PLEKHH2: variants seen among roughly 807,000 people sequenced by gnomAD.
PLEKHH2 encodes the protein pleckstrin homology domain-containing family H member 2.
In PLEKHH2, 129 loss-of-function variants were observed where a neutral mutation model predicts 187.9. The ratio of observed to expected loss-of-function variants is 0.69; its 90% CI spans 0.59 to 0.79. PLEKHH2 has a LOEUF of 0.79. Among genes scored for constraint, PLEKHH2 ranks in the 30% least tolerant of loss-of-function variants. PLEKHH2 has a pLI of 0.00. For missense variants in PLEKHH2, 2,076 were observed against 1,751.2 expected (o/e 1.19, Z -3.31); for synonymous variants, 686 against 605.6 (o/e 1.13, Z -1.95).
Position 43,726,402 on chromosome 2 carries a change from C to G in PLEKHH2, c.2672C>G (p.Pro891Arg). 6.2e-7 allele frequency: 1 copy of G among 1,611,918 alleles called. No homozygotes were observed. Among genetic ancestry groups the G allele is most frequent in the Non-Finnish European group, 8.5e-7 (1 of 1,178,110 alleles). Residue 891 changes from proline (P) to arginine (R), a missense_variant, in exon 17 of 30, where the codon CCC becomes CGC. Physicochemically the swap from Pro to Arg is moderately radical, Grantham distance 103. Transcript: ENST00000282406. Reference sequence around the variant, plus strand: ...ACACATTATACTATCGTTATCCATCCCAAAGACCAAGGTCCAACTTACCTC... The same window carrying G: ...ACACATTATACTATCGTTATCCATCGCAAAGACCAAGGTCCAACTTACCTC... ...LSTHYTIVIHPKDQGPTYLLI... is the reference protein window; with the variant it reads ...LSTHYTIVIHRKDQGPTYLLI...
chr2:43,702,391 G>A (rs1265280290), intron 8 of PLEKHH2, among the ~76,000 whole-genome samples: 1 of 152,134 alleles, frequency 6.6e-6, no homozygotes, highest in Non-Finnish European at 1.5e-5. Context: ...TTAATGGCAT[G>A]TGAATCTCTG....
chr2:43,691,378 C>T (rs868197428), intron 3 of PLEKHH2, among the ~76,000 whole-genome samples: 11 of 152,084 alleles, frequency 7.2e-5, no homozygotes, highest in African/African-American at 1.2e-4. Flanking sequence ...ATAGGGAGTG[C>T]GTGCTGATTG....
chr2:43,649,887 A>G (rs1033749676), intron 2 of PLEKHH2, among the ~76,000 whole-genome samples: 4 of 152,182 alleles, frequency 2.6e-5, no homozygotes, highest in Non-Finnish European at 4.4e-5. Context: ...TAACCAATCC[A>G]TTAAACAAAT....
chr2:43,725,948 A>G (rs1228259672), intron 16 of PLEKHH2, among the ~76,000 whole-genome samples: 2 of 146,176 alleles, frequency 1.4e-5, no homozygotes, highest in Non-Finnish European at 3.0e-5. Flanking sequence ...CTATCTCCAA[A>G]AAAAAATCAT....
chr2:43,676,143 T>C (rs776025814), intron 2 of PLEKHH2: 15 of 1,614,014 alleles, frequency 9.3e-6, no homozygotes, highest in Middle Eastern at 1.7e-4. Context: ...GCTCCAAGAG[T>C]ATCACTTTTG....
Position 43,706,360 on chromosome 2 carries a change from T to C in PLEKHH2, c.1765T>C (p.Tyr589His). Residue 589 changes from tyrosine (Y) to histidine (H), a missense_variant, in exon 10 of 30, where the codon TAT (tyrosine) becomes CAT (histidine). Transcript: ENST00000282406. ...CCTTTCCTATACTACATCAGGACTT[T>C]ATACATCTCTGATATACAAGAACAT... ...ATLSYTTSGL[Y>H]TSLIYKNMTT... The C allele has an allele frequency of 6.2e-7, 1 of 1,610,018 alleles. No homozygotes were observed. The highest frequency in any genetic ancestry group is 1.1e-5 in the South Asian group (1 of 90,920).
intron 19 of PLEKHH2, among the ~76,000 whole-genome samples, chr2:43,737,310 C>T (rs1671340972): frequency 1.3e-5 from 2 of 152,138 alleles, no homozygotes; most frequent in African/African-American, 4.8e-5. Context: ...AGAATCGGGT[C>T]AAGTATGACA....
intron 2 of PLEKHH2, chr2:43,675,904 AG>A: frequency 6.2e-7 from 1 of 1,614,120 alleles, no homozygotes; most frequent in Non-Finnish European, 8.5e-7. Context: ...GGGAAGTGCA[AG>A]GAAGAACCAG....
At chr2:43,649,531 G>C (rs1387693125) in intron 2 of PLEKHH2, among the ~76,000 whole-genome samples, 1 of 152,160 alleles carries the variant, frequency 6.6e-6, no homozygotes. Context: ...GGAATAAGGA[G>C]TCCTTGGACA....
intron 2 of PLEKHH2, chr2:43,658,862 C>G (rs1666919648): frequency 6.6e-6 from 1 of 152,170 alleles, no homozygotes; most frequent in African/African-American, 2.4e-5. Flanking sequence ...GTGTGATTAC[C>G]AGAAGGTGAG....
intron 2 of PLEKHH2, 114 bp from the exon 3 acceptor site, chr2:43,678,749 G>T: frequency 1.5e-6 from 1 of 669,626 alleles, no homozygotes; most frequent in East Asian, 2.7e-5. Context: ...TGGAGGTGGA[G>T]GTGGAGGTGG....
chr2:43,728,454 G>A (rs1353353326), intron 17 of PLEKHH2, among the ~76,000 whole-genome samples: 1 of 145,174 alleles, frequency 6.9e-6, no homozygotes, highest in Admixed American at 6.8e-5. Context: ...CTCCAGCCTG[G>A]GTGACAGAGC....
At chr2:43,677,834 C>T (rs187241488) in intron 2 of PLEKHH2, among the ~76,000 whole-genome samples, 3,295 of 147,050 alleles carry the variant, frequency 0.022, 58 homozygotes, top group Middle Eastern at 0.045. Context: ...GGGGCTGACC[C>T]CCCCCCACCT....
At position 43,699,726 on chromosome 2, in the gene PLEKHH2, T is replaced by C. The variant is rs779571730; in HGVS notation, c.768T>C (p.Pro256=). The C allele has an allele frequency of 2.4e-5, 38 of 1,614,052 alleles. No individual in the cohort carries two copies. The highest frequency in any genetic ancestry group is 2.0e-4 in the South Asian group (18 of 91,068). The part of the protein sequence containing the change: ...NRGQRTLHQT[P]CGSEQNRKTR... Reference sequence around the variant, plus strand: ...GCCAGAGAACATTGCATCAAACCCCTTGTGGCTCAGAACAGAATCGGAAAA... The same window carrying C: ...GCCAGAGAACATTGCATCAAACCCCCTGTGGCTCAGAACAGAATCGGAAAA... The change falls in exon 8 of 30, where the codon CCT becomes CCC. Residue 256 remains proline, a synonymous_variant. Coordinates refer to ENST00000282406, the MANE Select transcript of PLEKHH2 (RefSeq NM_172069.4).
At chr2:43,729,531 A>C (rs1670934667) in intron 17 of PLEKHH2, 106 bp from the exon 18 acceptor site, 1 of 609,876 alleles carries the variant, frequency 1.6e-6, no homozygotes. Context: ...AATTAAAGCA[A>C]GTGGTTCATT....
intron 2 of PLEKHH2, among the ~76,000 whole-genome samples, chr2:43,645,578 A>G (rs930848126): frequency 1.4e-4 from 22 of 152,306 alleles, no homozygotes; most frequent in Non-Finnish European, 2.6e-4. Context: ...AGTAGAATAA[A>G]TACAGGATTT....
Position 43,694,512 on chromosome 2 carries a change from G to T in PLEKHH2, c.418G>T (p.Glu140Ter), listed in dbSNP as rs1668993497. 1 of 1,551,510 alleles carries T rather than the reference G, an allele frequency of 6.4e-7. No individual in the cohort carries two copies. Among genetic ancestry groups the T allele is most frequent in the Non-Finnish European group, 8.8e-7 (1 of 1,141,414 alleles). ...AGAATGGGTAACAGTTAAGTTAAAT[G>T]AGGTATTTATTGCTATATGTTTTCC... is the stretch of plus-strand genomic sequence containing the variant. ...IKEWVTVKLN[E>*]LELENQNLRL... Residue 140 changes from glutamate to a stop codon, truncating the protein, a stop_gained and splice_region_variant, in exon 5 of 30, where the codon GAG (glutamate) becomes TAG (stop). Coordinates refer to ENST00000282406, the MANE Select transcript of PLEKHH2 (RefSeq NM_172069.4). LOFTEE classifies it high-confidence loss of function.
chr2:43,685,555 G>A (rs1484536525), intron 3 of PLEKHH2, among the ~76,000 whole-genome samples: 1 of 151,292 alleles, frequency 6.6e-6, no homozygotes, highest in Admixed American at 6.6e-5. Context: ...AGCCTCTGGA[G>A]TAGCTAGGGC....
intron 2 of PLEKHH2, among the ~76,000 whole-genome samples, chr2:43,648,559 T>TCGCG: frequency 1.3e-5 from 1 of 77,286 alleles, no homozygotes; most frequent in Admixed American, 1.6e-4. Context: ...GTAATTACAT[T>TCGCG]CGTGTGTGTG....
Sources: allele counts gnomAD v4.1 joint callset (sites outside exome capture counted in the v4.1 genomes callset), GRCh38; gene constraint gnomAD v4.1.1; transcripts MANE v1.5; gene names NCBI Gene and HGNC (gene_info 2026-07-23, HGNC 2026-07-21).